WDFY4: variants seen among roughly 807,000 people sequenced by gnomAD.
The protein encoded by WDFY4 is WD repeat- and FYVE domain-containing protein 4.
Under a neutral mutation model 351.9 loss-of-function variants are expected in WDFY4, and 169 were observed. The observed-to-expected ratio is 0.48, with a 90% CI of 0.42 to 0.55. The LOEUF is 0.55. WDFY4 is among the 20% of genes least tolerant of loss of function. The pLI is 0.00. For missense variants in WDFY4, 3,803 were observed against 3,935.6 expected, an observed-to-expected ratio of 0.97 and a Z score of 0.90; for synonymous variants, 1,622 against 1,574.6, an observed-to-expected ratio of 1.03 and a Z score of -0.71.
At chr10:48,688,063 A>G (rs934438747) in intron 1 of WDFY4, among the ~76,000 whole-genome samples, 3 of 152,162 alleles carry the variant, frequency 2.0e-5, no homozygotes, top group Admixed American at 6.5e-5. Flanking sequence ...GATTACAGGC[A>G]TGAGCCACCA....
Position 48,743,271 on chromosome 10 carries a change from G to A in WDFY4, c.2182G>A (p.Gly728Ser). 6.4e-7 allele frequency: 1 copy of A among 1,551,696 alleles called. No individual in the cohort carries two copies. Among genetic ancestry groups the A allele is most frequent in the African/African-American group, 1.4e-5 (1 of 73,156 alleles). Reference sequence around the variant, plus strand: ...CTGTTTTGGAGCCCTGGAGGAAGAGGGCAACCTGCTGCGCTCTTGGGTGGA... The same window carrying A: ...CTGTTTTGGAGCCCTGGAGGAAGAGAGCAACCTGCTGCGCTCTTGGGTGGA... The part of the protein sequence containing the change: ...LGCFGALEEE[G>S]NLLRSWVDTK... The change falls in exon 12 of 62, where the codon GGC becomes AGC. Residue 728 changes from glycine to serine, a missense_variant. Around this residue, in one of 3 missense-constraint regions of WDFY4, gnomAD observed 3,054 missense variants for 3,148.6 expected, o/e 0.97. Coordinates refer to ENST00000325239, the MANE Select transcript of WDFY4 (RefSeq NM_001394531.1).
At position 48,751,415 on chromosome 10, in the gene WDFY4, A is replaced by G. The variant is rs549135658; in HGVS notation, c.2459+7867A>G. On this transcript the variant is annotated intron_variant, in intron 12 of 61. Coordinates refer to ENST00000325239, the MANE Select transcript of WDFY4 (RefSeq NM_001394531.1). Reference sequence around the variant, plus strand: ...AAGCTATAGGGATGGATGGGCAGAGATGATGGCTGGAAAGGAGAGGAGCAA... The same window carrying G: ...AAGCTATAGGGATGGATGGGCAGAGGTGATGGCTGGAAAGGAGAGGAGCAA... Among the ~76,000 whole-genome samples the G allele has an allele frequency of 6.6e-5, 10 of 152,316 alleles. No homozygotes were observed. The South Asian group carries it at 1.9e-3, about 28-fold the overall frequency.
At chr10:48,886,383 A>G (rs2133349227) in intron 43 of WDFY4, among the ~76,000 whole-genome samples, 1 of 152,282 alleles carries the variant, frequency 6.6e-6, no homozygotes, top group South Asian at 2.1e-4. Flanking sequence ...TGTGTTGGAA[A>G]CTTAATTGCC....
At chr10:48,768,488 T>G (rs147403366) in intron 13 of WDFY4, among the ~76,000 whole-genome samples, 3 of 152,300 alleles carry the variant, frequency 2.0e-5, no homozygotes, top group Non-Finnish European at 4.4e-5. Context: ...AAGCCCATTT[T>G]CCTCACCTGC....
chr10:48,687,199 T>C (rs1394175552), intron 1 of WDFY4, among the ~76,000 whole-genome samples: 1 of 152,214 alleles, frequency 6.6e-6, no homozygotes, highest in African/African-American at 2.4e-5. Flanking sequence ...TCTCATCGGG[T>C]TACCTGTCTT....
chr10:48,976,441 C>G (rs1036693996), intron 58 of WDFY4: 1 of 172,048 alleles, frequency 5.8e-6, no homozygotes, highest in African/African-American at 2.4e-5. Context: ...GCTGACCTAC[C>G]AGGTGTAAGC....
In WDFY4 at chr10:48,695,227, A is replaced by G. The variant is rs375109241; in HGVS notation, c.-18+10226A>G. 1.9e-3 allele frequency among the ~76,000 whole-genome samples: 290 copies of G among 152,340 alleles called. 1 individual carries two copies. Among genetic ancestry groups the G allele is most frequent in the African/African-American group, 6.7e-3 (277 of 41,586 alleles). Reference sequence around the variant, plus strand: ...GGGATCTGCTTTTCTCTGGGGCAACAGTGCAACCACAGAGTCTTGTTTTGG... The same window carrying G: ...GGGATCTGCTTTTCTCTGGGGCAACGGTGCAACCACAGAGTCTTGTTTTGG... On this transcript the variant is annotated intron_variant, in intron 1 of 61. Coordinates refer to ENST00000325239, the MANE Select transcript of WDFY4 (RefSeq NM_001394531.1).
chr10:48,810,485 C>T (rs560754685), intron 28 of WDFY4, 45 bp from the exon 29 acceptor site: 6 of 1,505,944 alleles, frequency 4.0e-6, no homozygotes, highest in South Asian at 3.8e-5. Context: ...ACATGTCACT[C>T]GCTCATGGAC....
intron 4 of WDFY4, among the ~76,000 whole-genome samples, chr10:48,721,737 G>T (rs190711079): frequency 6.6e-6 from 1 of 152,116 alleles, no homozygotes; most frequent in Non-Finnish European, 1.5e-5. Context: ...CCCAGACATC[G>T]TCAGTTAATC....
At chr10:48,961,663 C>G (rs1841865932) in intron 53 of WDFY4, among the ~76,000 whole-genome samples, 1 of 152,258 alleles carries the variant, frequency 6.6e-6, no homozygotes, top group East Asian at 1.9e-4. Flanking sequence ...CCAGAGATCA[C>G]AGTCACTGAG....
At chr10:48,718,211 A>G (rs1871609) in intron 2 of WDFY4, among the ~76,000 whole-genome samples, 107,895 of 152,040 alleles carry the variant, frequency 0.71, 39,419 homozygotes, top group East Asian at 0.99. Flanking sequence ...TCTAAAAACA[A>G]GTTGTTTGCT....
At chr10:48,903,307 G>A (rs1210623821) in intron 47 of WDFY4, among the ~76,000 whole-genome samples, 1 of 152,170 alleles carries the variant, frequency 6.6e-6, no homozygotes, top group Non-Finnish European at 1.5e-5. Context: ...GGAAGCGTTG[G>A]AGGATTTTAA....
intron 19 of WDFY4, 79 bp from the exon 20 acceptor site, chr10:48,786,560 T>C (rs910937131): frequency 9.4e-7 from 1 of 1,063,950 alleles, no homozygotes; most frequent in African/African-American, 1.6e-5. Flanking sequence ...ATAAGATGCA[T>C]CATGTTATAT....
intron 47 of WDFY4, chr10:48,914,131 T>G (rs777786128): frequency 6.2e-7 from 1 of 1,614,060 alleles, no homozygotes; most frequent in South Asian, 1.1e-5. Context: ...TTCTTGCCCT[T>G]GGGGCCTTTC....
intron 11 of WDFY4, among the ~76,000 whole-genome samples, chr10:48,739,970 A>G (rs750932651): frequency 9.2e-5 from 14 of 152,194 alleles, no homozygotes; most frequent in Non-Finnish European, 2.9e-5. Context: ...AGAGGGGTTT[A>G]TAGTGGTCAC....
chr10:48,762,187 T>A (rs1425479906), intron 13 of WDFY4, among the ~76,000 whole-genome samples: 1 of 152,182 alleles, frequency 6.6e-6, no homozygotes, highest in Non-Finnish European at 1.5e-5. Flanking sequence ...AGTGGCCTCA[T>A]AAAAATATTG....
chr10:48,981,367 G>C lies in WDFY4; in HGVS notation c.9377G>C (p.Gly3126Ala), dbSNP rs376894702. ...EPPAQPPSPRGHKWEKNLALS... is the reference protein window; with the variant it reads ...EPPAQPPSPRAHKWEKNLALS... The stretch of plus-strand genomic sequence containing the variant: ...CTCTTCTCTCACATGCTCCACACAG[G>C]CCACAAGTGGGAGAAGAACCTGGCC... Residue 3126 changes from glycine to alanine, a missense_variant and splice_region_variant, in exon 61 of 62, where the codon GGC (glycine) becomes GCC (alanine). Around this residue, in one of 3 missense-constraint regions of WDFY4, gnomAD observed 3,054 missense variants for 3,148.6 expected, o/e 0.97. Coordinates refer to ENST00000325239, the MANE Select transcript of WDFY4 (RefSeq NM_001394531.1). The C allele has an allele frequency of 1.3e-4, 197 of 1,551,722 alleles. 1 individual carries two copies. The South Asian group carries it at 2.2e-3, about 17-fold the overall frequency.
chr10:48,685,956 AC>A (rs1161974099), intron 1 of WDFY4, among the ~76,000 whole-genome samples: 1 of 151,830 alleles, frequency 6.6e-6, no homozygotes, highest in East Asian at 1.9e-4. Flanking sequence ...CTGAGAGGGG[AC>A]CTGTGAGGGA....
intron 55 of WDFY4, chr10:48,967,816 T>G (rs1018391053): frequency 6.6e-6 from 1 of 152,262 alleles, no homozygotes; most frequent in Non-Finnish European, 1.5e-5. Context: ...CCAAGGAGTA[T>G]GAAGTTAAGT....
Sources: gnomAD v4.1 joint callset for allele counts (sites outside exome capture counted in the v4.1 genomes callset) on GRCh38, gnomAD v4.1.1 for gene constraint, gnomAD v4.1.1 regional missense constraint, MANE v1.5 for transcripts, NCBI Gene and HGNC (gene_info 2026-07-23, HGNC 2026-07-21) for gene names.